SYNE2: variants seen among roughly 807,000 people sequenced by gnomAD.
SYNE2 encodes nesprin-2.
In SYNE2, 431 loss-of-function variants were observed where a neutral mutation model predicts 856.3. The observed-to-expected ratio is 0.50, with a 90% CI of 0.47 to 0.55. SYNE2 has a LOEUF of 0.55. Among genes scored for constraint, SYNE2 ranks in the 20% least tolerant of loss-of-function variants. SYNE2 has a pLI of 0.00. For synonymous variants in SYNE2, 2,923 were observed against 2,872.3 expected (o/e 1.02, Z -0.56); for missense variants, 8,129 against 8,023.2 (o/e 1.01, Z -0.50).
intron 63 of SYNE2, among the ~76,000 whole-genome samples, chr14:64,100,646 A>G (rs2153639441): frequency 2.0e-5 from 3 of 148,388 alleles, no homozygotes; most frequent in East Asian, 2.0e-4. Flanking sequence ...GCTAATTAAC[A>G]TACATGTTAC....
chr14:64,209,352 T>C (rs1039931324), intron 101 of SYNE2, 76 bp from the exon 102 acceptor site: 3 of 1,611,052 alleles, frequency 1.9e-6, no homozygotes, highest in Non-Finnish European at 2.5e-6. Context: ...ACCGTGCGGG[T>C]GTCAGGGGAT....
intron 34 of SYNE2, 31 bp from the exon 35 acceptor site, chr14:64,019,961 A>C: frequency 7.0e-7 from 1 of 1,427,144 alleles, no homozygotes; most frequent in Non-Finnish European, 9.9e-7. Context: ...TGAAATAAAA[A>C]GACACTATCC....
intron 57 of SYNE2, among the ~76,000 whole-genome samples, chr14:64,082,156 A>G (rs190064119): frequency 1.2e-4 from 18 of 152,230 alleles, no homozygotes; most frequent in African/African-American, 1.9e-4. Flanking sequence ...ATGCCCCCCA[A>G]TATTCCCATC....
At position 64,166,296 on chromosome 14, in the gene SYNE2, C is replaced by T. The variant is rs537920817; in HGVS notation, c.16605+886C>T. On this transcript the variant is annotated intron_variant, in intron 90 of 115. Coordinates refer to ENST00000555002, the MANE Select transcript of SYNE2 (RefSeq NM_182914.3). ...AGAGTTGACTAGTTGCTACAGAGAC[C>T]ATATGGCCCACAAATGCCTAAAATA... Among the ~76,000 whole-genome samples, 110 of 152,216 alleles carry T rather than the reference C, an allele frequency of 7.2e-4. No homozygotes were observed. The Middle Eastern group carries it at 0.017, about 24-fold the overall frequency.
At chr14:64,222,483 T>C (rs538832698) in intron 112 of SYNE2, among the ~76,000 whole-genome samples, 219 of 152,278 alleles carry the variant, frequency 1.4e-3, no homozygotes, top group African/African-American at 5.1e-3. Flanking sequence ...GACGGGCGGA[T>C]CGCCTGAGGT....
chr14:64,046,930 C>T (rs924761947), intron 45 of SYNE2, among the ~76,000 whole-genome samples: 27 of 152,166 alleles, frequency 1.8e-4, no homozygotes, highest in Admixed American at 7.9e-4. Context: ...GGTATTACAG[C>T]GCTCCTTTAG....
intron 1 of SYNE2, among the ~76,000 whole-genome samples, chr14:63,783,229 T>C (rs920424641): frequency 4.6e-5 from 7 of 152,352 alleles, no homozygotes; most frequent in Admixed American, 3.3e-4. Context: ...TAGTTCCTCC[T>C]GCGCTAATTC....
At chr14:63,920,262 C>A (rs1008941474) in intron 2 of SYNE2, among the ~76,000 whole-genome samples, 9 of 151,502 alleles carry the variant, frequency 5.9e-5, no homozygotes, top group African/African-American at 1.9e-4. Flanking sequence ...CTTGGTACTA[C>A]GGAAGTATGG....
chr14:64,125,213 A>G lies in SYNE2; in HGVS notation c.13554+3A>G, dbSNP rs189739296. 1.4e-5 allele frequency: 22 copies of G among 1,614,120 alleles called. No individual in the cohort carries two copies. The East Asian group carries it at 4.0e-4, about 29-fold the overall frequency. ...AAGCAAGTAACCTTCAGACACAGGT[A>G]GAAGCTGCACACAATGTGTTTTCCT... On this transcript the variant is annotated splice_donor_region_variant and intron_variant, in intron 71 of 115. Transcript: ENST00000555002.
chr14:63,799,830 T>C (rs1191929344), intron 1 of SYNE2, among the ~76,000 whole-genome samples: 1 of 152,256 alleles, frequency 6.6e-6, no homozygotes, highest in Non-Finnish European at 1.5e-5. Context: ...TTCACTTTTA[T>C]AATATGAAAG....
At chr14:64,216,187 T>G in intron 107 of SYNE2, 61 bp from the exon 108 acceptor site, 1 of 1,610,800 alleles carries the variant, frequency 6.2e-7, no homozygotes, top group Non-Finnish European at 8.5e-7. Flanking sequence ...CCTGATGCCA[T>G]GTCACCCGTG....
At chr14:63,925,243 G>C (rs2095649721) in intron 2 of SYNE2, among the ~76,000 whole-genome samples, 3 of 152,160 alleles carry the variant, frequency 2.0e-5, no homozygotes, top group Admixed American at 2.0e-4. Flanking sequence ...GATTGCTTGA[G>C]CCCAGGAGGC....
At chr14:64,186,326 C>G in intron 96 of SYNE2, 98 bp from the exon 97 acceptor site, 2 of 1,515,438 alleles carry the variant, frequency 1.3e-6, no homozygotes, top group South Asian at 1.1e-5. Context: ...CCTGGCCTCC[C>G]CTCCCCCAGA....
rs56168321 is a variant in SYNE2, at chr14:64,086,702, C to CT, written c.11485-944dup. Among the ~76,000 whole-genome samples the CT allele has an allele frequency of 4.3e-3, 275 of 64,658 alleles. 12 individuals carry two copies. Among genetic ancestry groups the CT allele is most frequent in the South Asian group, 0.016 (19 of 1,194 alleles). The allele number at this position is 64,658 out of a possible 152,430, so 42.4% of individuals were successfully genotyped here. A position where few individuals can be genotyped will look rare whatever the true frequency, so the allele number is the denominator to read the frequency against. On this transcript the variant is annotated intron_variant, in intron 57 of 115. Transcript: ENST00000555002. Reference sequence around the variant, plus strand: ...GTTTTGTGATTTTCAGTATGCAGGTCTTTTTTTTTTTTTTTTTTTTTTTTT... The same window carrying CT: ...GTTTTGTGATTTTCAGTATGCAGGTCTTTTTTTTTTTTTTTTTTTTTTTTTT...
At position 63,779,469 on chromosome 14, in the gene SYNE2, G is replaced by A. The variant is rs369933711; in HGVS notation, c.-305+17483G>A. On this transcript the variant is annotated intron_variant, in intron 1 of 23. Coordinates refer to the SYNE2 transcript ENST00000674003. ...AAAAAAAAAAAAAGCTAGAAAACGA[G>A]GATCAGCTGCAAAAACCTCAGAGCT... Among the ~76,000 whole-genome samples, 13 of 146,386 alleles carry A rather than the reference G, an allele frequency of 8.9e-5. No homozygotes were observed. In the East Asian group the frequency reaches 2.4e-3, roughly 27 times the overall value.
chr14:63,804,780 C>A (rs925208251), intron 1 of SYNE2, among the ~76,000 whole-genome samples: 6 of 152,156 alleles, frequency 3.9e-5, no homozygotes, highest in Non-Finnish European at 8.8e-5. Flanking sequence ...GGGTGTGAGC[C>A]ACTGTGCCCA....
At chr14:64,054,558 A>G (rs1437327929) in intron 48 of SYNE2, among the ~76,000 whole-genome samples, 1 of 152,198 alleles carries the variant, frequency 6.6e-6, no homozygotes, top group Non-Finnish European at 1.5e-5. Context: ...TCCTTCCCGC[A>G]GTGCCTGTTT....
At chr14:64,207,235 A>G (rs544288361) in intron 100 of SYNE2, among the ~76,000 whole-genome samples, 17 of 152,292 alleles carry the variant, frequency 1.1e-4, no homozygotes, top group Middle Eastern at 3.4e-3. Context: ...TCTTATATCA[A>G]CCTAAACACT....
intron 1 of SYNE2, among the ~76,000 whole-genome samples, chr14:63,776,943 T>C (rs1481878153): frequency 2.0e-5 from 3 of 152,180 alleles, no homozygotes; most frequent in African/African-American, 7.2e-5. Context: ...TTGTACACAT[T>C]CACCATTCTT....
Sources: allele counts gnomAD v4.1 joint callset (sites outside exome capture counted in the v4.1 genomes callset), GRCh38; gene constraint gnomAD v4.1.1; transcripts MANE v1.5; gene names NCBI Gene and HGNC (gene_info 2026-07-23, HGNC 2026-07-21).